Variants in UNC13C observed in about 807,000 individuals in gnomAD.
UNC13C encodes the protein protein unc-13 homolog C.
In UNC13C, 174 loss-of-function variants were observed where a neutral mutation model predicts 245.4. The ratio of observed to expected loss-of-function variants is 0.71; its 90% CI spans 0.63 to 0.80. The LOEUF is 0.80. Among genes scored for constraint, UNC13C ranks in the 30% least tolerant of loss-of-function variants. The pLI is 0.00. For synonymous variants in UNC13C, 992 were observed against 895.1 expected, an observed-to-expected ratio of 1.11 and a Z score of -1.93; for missense variants, 2,829 against 2,602.9, an observed-to-expected ratio of 1.09 and a Z score of -1.89.
At chr15:53,873,103 G>A in the UNC13C span, among the ~76,000 whole-genome samples, 13 of 150,758 alleles carry the variant, frequency 8.6e-5, no homozygotes, top group Admixed American at 3.3e-4. Flanking sequence ...TAGATCCTTT[G>A]GTGTGTTGAG....
chr15:54,106,571 G>GA (rs544436507), intron 2 of UNC13C, among the ~76,000 whole-genome samples: 1 of 151,918 alleles, frequency 6.6e-6, no homozygotes. Context: ...AGTTTCAGCA[G>GA]AAAAAAAATT....
At chr15:54,348,505 AC>A (rs772819218) in intron 17 of UNC13C, among the ~76,000 whole-genome samples, 19 of 152,166 alleles carry the variant, frequency 1.2e-4, no homozygotes, top group Non-Finnish European at 2.6e-4. Flanking sequence ...CTATCAAAAA[AC>A]ATCTCTTTGT....
intron 2 of UNC13C, among the ~76,000 whole-genome samples, chr15:54,041,033 C>T (rs60949036): frequency 0.023 from 3,510 of 152,314 alleles, 41 homozygotes; most frequent in South Asian, 0.069. Flanking sequence ...ACTTAATATA[C>T]TCATTGTTTA....
intron 10 of UNC13C, among the ~76,000 whole-genome samples, chr15:54,278,012 T>C (rs1231499824): frequency 2.0e-5 from 3 of 152,078 alleles, no homozygotes; most frequent in Non-Finnish European, 4.4e-5. Context: ...CTTAGATAAC[T>C]TTCTGTTTAT....
intron 4 of UNC13C, among the ~76,000 whole-genome samples, chr15:54,225,358 T>C (rs1222197340): frequency 1.3e-5 from 2 of 152,248 alleles, no homozygotes; most frequent in African/African-American, 2.4e-5. Context: ...ATGTCAAAGA[T>C]AGTTTAATGA....
chr15:54,520,043 AG>A (rs1269830982), intron 24 of UNC13C, among the ~76,000 whole-genome samples: 1 of 152,210 alleles, frequency 6.6e-6, no homozygotes, highest in African/African-American at 2.4e-5. Context: ...CCTGGTGGAA[AG>A]CCAGCTTGAA....
the UNC13C span, among the ~76,000 whole-genome samples, chr15:53,878,814 A>G: frequency 1.3e-5 from 2 of 152,206 alleles, no homozygotes; most frequent in South Asian, 4.1e-4. Context: ...GAGATTTACT[A>G]CTACAGGTCT....
At chr15:54,515,824 G>T (rs993625920) in intron 24 of UNC13C, among the ~76,000 whole-genome samples, 13 of 152,112 alleles carry the variant, frequency 8.5e-5, no homozygotes, top group Non-Finnish European at 2.9e-5. Flanking sequence ...GCTCCATTAG[G>T]TATAATGATA....
At chr15:54,206,963 T>C (rs185418415) in intron 4 of UNC13C, among the ~76,000 whole-genome samples, 4 of 152,160 alleles carry the variant, frequency 2.6e-5, no homozygotes, top group African/African-American at 7.2e-5. Context: ...ATATAACCCA[T>C]TCCTAATGGA....
At chr15:54,186,298 A>C (rs2033981684) in intron 4 of UNC13C, among the ~76,000 whole-genome samples, 2 of 152,190 alleles carry the variant, frequency 1.3e-5, no homozygotes, top group South Asian at 4.1e-4. Context: ...CAGAACTTCC[A>C]ACACTATGTT....
chr15:54,532,529 G>A lies in UNC13C; in HGVS notation c.5547-388G>A, dbSNP rs372801068. On this transcript the variant is annotated intron_variant, in intron 25 of 32. Transcript: ENST00000260323. ...GGAACAACATCATGTCCTTTGCAGGGACATGGATGGAGTTGGAGGCCGTTA... is the reference window on the plus strand; with the variant it reads ...GGAACAACATCATGTCCTTTGCAGGAACATGGATGGAGTTGGAGGCCGTTA... 2.0e-5 allele frequency among the ~76,000 whole-genome samples: 3 copies of A among 152,272 alleles called. No individual in the cohort carries two copies. In the East Asian group the frequency reaches 5.8e-4, roughly 29 times the overall value.
At chr15:53,965,245 A>G in the UNC13C span, among the ~76,000 whole-genome samples, 1 of 152,252 alleles carries the variant, frequency 6.6e-6, no homozygotes, top group Admixed American at 6.5e-5. Flanking sequence ...TTCAGTGATT[A>G]TCAACCCATG....
intron 4 of UNC13C, among the ~76,000 whole-genome samples, chr15:54,158,465 G>A (rs1324559623): frequency 3.3e-5 from 5 of 151,788 alleles, no homozygotes; most frequent in Middle Eastern, 3.4e-3. Flanking sequence ...GGCTACAGGC[G>A]CCCGCCACCA....
At chr15:54,563,709 C>T (rs1897387685) in intron 29 of UNC13C, among the ~76,000 whole-genome samples, 1 of 152,052 alleles carries the variant, frequency 6.6e-6, no homozygotes, top group South Asian at 2.1e-4. Flanking sequence ...TAGTAATCAA[C>T]TATACTGCAC....
intron 15 of UNC13C, among the ~76,000 whole-genome samples, chr15:54,332,892 GGAAGTTATAATA>G (rs1339909371): frequency 4.6e-5 from 7 of 151,670 alleles, no homozygotes; most frequent in African/African-American, 1.7e-4. Flanking sequence ...GCATACTTAT[GGAAGTTATAATA>G]CCAAATTTAA....
chr15:54,003,411 G>T (rs893537509), intron 1 of UNC13C, among the ~76,000 whole-genome samples: 4 of 152,088 alleles, frequency 2.6e-5, no homozygotes, highest in African/African-American at 7.2e-5. Flanking sequence ...GAATGGGGTC[G>T]GGCCATGCCA....
intron 30 of UNC13C, among the ~76,000 whole-genome samples, chr15:54,606,712 C>G (rs1899785865): frequency 6.6e-6 from 1 of 152,158 alleles, no homozygotes; most frequent in South Asian, 2.1e-4. Flanking sequence ...AGGAATTGCT[C>G]AAAGTCATGC....
At chr15:54,308,824 T>C (rs2037791062) in intron 13 of UNC13C, among the ~76,000 whole-genome samples, 1 of 151,862 alleles carries the variant, frequency 6.6e-6, no homozygotes, top group Non-Finnish European at 1.5e-5. Flanking sequence ...TCCATGTTGT[T>C]GCAAATGATA....
intron 17 of UNC13C, among the ~76,000 whole-genome samples, chr15:54,363,655 C>T (rs951867448): frequency 2.0e-5 from 3 of 152,110 alleles, no homozygotes; most frequent in African/African-American, 7.2e-5. Context: ...TATCTGACTA[C>T]AGAATTGAGA....
Sources: gnomAD v4.1 joint callset for allele counts (sites outside exome capture counted in the v4.1 genomes callset) on GRCh38, gnomAD v4.1.1 for gene constraint, MANE v1.5 for transcripts, NCBI Gene and HGNC (gene_info 2026-07-23, HGNC 2026-07-21) for gene names.